The following ANKS1B variants were observed in gnomAD, a reference collection of about 807,000 sequenced individuals.
ANKS1B encodes the protein ankyrin repeat and sterile alpha motif domain containing 1B, also known as ankyrin repeat and sterile alpha motif domain-containing protein 1B.
In ANKS1B, 36 loss-of-function variants were observed where a neutral mutation model predicts 148.3. That is an observed-to-expected ratio of 0.24 (90% CI 0.19 to 0.32). The LOEUF (loss-of-function observed/expected upper bound fraction) is 0.32, where lower values mean the gene tolerates loss of function less well. Ranked by LOEUF, ANKS1B falls within the 10% of genes least tolerant of loss-of-function variation. The pLI, the probability that ANKS1B is intolerant of heterozygous loss-of-function variation, is 1.00. For missense variants in ANKS1B, 1,157 were observed against 1,542.6 expected (o/e 0.75, Z 4.19); for synonymous variants, 542 against 560.8 (o/e 0.97, Z 0.47).
At chr12:99,645,135 C>G (rs956298720) in intron 9 of ANKS1B, among the ~76,000 whole-genome samples, 2 of 152,182 alleles carry the variant, frequency 1.3e-5, no homozygotes, top group African/African-American at 4.8e-5. Flanking sequence ...TAAACCACAG[C>G]CATGTTCATT....
At chr12:99,562,132 A>G (rs73141659) in intron 9 of ANKS1B, among the ~76,000 whole-genome samples, 5,836 of 152,322 alleles carry the variant, frequency 0.038, 161 homozygotes, top group Non-Finnish European at 0.058. Flanking sequence ...ATACCTTGAA[A>G]TAAATCTTTT....
rs557956159 is a variant in ANKS1B, at chr12:99,192,802, T to C, written c.2420-38407A>G. The stretch of plus-strand genomic sequence containing the variant: ...GTAAAAAAATTCCAAATTATTCTAA[T>C]AGCTCTATTCTTAAAACCATTAAGA... On this transcript the variant is annotated intron_variant, in intron 14 of 26. Transcript: ENST00000683438. 3.9e-4 allele frequency among the ~76,000 whole-genome samples: 60 copies of C among 152,272 alleles called. 1 individual carries two copies. The highest frequency in any genetic ancestry group is 6.0e-4 in the Non-Finnish European group (41 of 67,994).
chr12:99,526,722 G>A (rs990367182), intron 9 of ANKS1B, among the ~76,000 whole-genome samples: 1 of 152,226 alleles, frequency 6.6e-6, no homozygotes, highest in East Asian at 1.9e-4. Context: ...CAACAACAAA[G>A]TTCTGAGAAA....
chr12:99,011,607 G>C (rs1281101478), intron 17 of ANKS1B, among the ~76,000 whole-genome samples: 1 of 152,140 alleles, frequency 6.6e-6, no homozygotes, highest in African/African-American at 2.4e-5. Flanking sequence ...GAACATGCTA[G>C]AAATTACAAC....
At chr12:99,499,044 A>G (rs577574644) in intron 10 of ANKS1B, among the ~76,000 whole-genome samples, 1 of 152,224 alleles carries the variant, frequency 6.6e-6, no homozygotes, top group East Asian at 1.9e-4. Flanking sequence ...AATGCAAACT[A>G]TTTCCTTACC....
intron 17 of ANKS1B, among the ~76,000 whole-genome samples, chr12:98,907,005 CTGTGTGTG>C (rs59857138): frequency 0.44 from 63,943 of 145,624 alleles, 15,242 homozygotes; most frequent in East Asian, 0.74. Context: ...CATAGTTACT[CTGTGTGTG>C]TGTGTGTGTG....
intron 10 of ANKS1B, among the ~76,000 whole-genome samples, chr12:99,464,028 T>C (rs943700215): frequency 1.6e-4 from 24 of 152,118 alleles, no homozygotes; most frequent in Non-Finnish European, 3.4e-4. Context: ...GCAGCCTAAT[T>C]GGGAGGCACC....
At chr12:98,799,878 C>CTA (rs34898942) in intron 21 of ANKS1B, among the ~76,000 whole-genome samples, 11,365 of 151,468 alleles carry the variant, frequency 0.075, 588 homozygotes, top group Non-Finnish European at 0.11. Context: ...CCAAAGAGCT[C>CTA]TATATATGTT....
intron 9 of ANKS1B, among the ~76,000 whole-genome samples, chr12:99,654,758 A>C (rs1429664543): frequency 6.6e-6 from 1 of 152,148 alleles, no homozygotes; most frequent in Non-Finnish European, 1.5e-5. Flanking sequence ...CTTTTTAAAA[A>C]TAGCATTCTT....
At chr12:99,649,209 T>C (rs1167607412) in intron 9 of ANKS1B, 4 of 1,106,170 alleles carry the variant, frequency 3.6e-6, no homozygotes, top group Non-Finnish European at 5.5e-6. Context: ...TGCAATAATT[T>C]CTTTTTGTTG....
At chr12:98,778,278 C>A (rs917965247) in intron 24 of ANKS1B, among the ~76,000 whole-genome samples, 5 of 152,036 alleles carry the variant, frequency 3.3e-5, no homozygotes, top group African/African-American at 1.2e-4. Flanking sequence ...GAGTTCGAGA[C>A]CAGCCTGGCC....
intron 10 of ANKS1B, among the ~76,000 whole-genome samples, chr12:99,449,552 C>T (rs531442316): frequency 1.3e-5 from 2 of 152,146 alleles, no homozygotes; most frequent in Non-Finnish European, 2.9e-5. Flanking sequence ...CTATCATTTA[C>T]GTGTGCAGAT....
intron 9 of ANKS1B, among the ~76,000 whole-genome samples, chr12:99,574,165 G>T (rs567389065): frequency 5.9e-5 from 9 of 152,196 alleles, no homozygotes; most frequent in Middle Eastern, 3.4e-3. Flanking sequence ...GGTACATAAA[G>T]AATCCAATGA....
intron 12 of ANKS1B, among the ~76,000 whole-genome samples, chr12:99,280,025 A>T (rs2078189893): frequency 6.6e-6 from 1 of 151,978 alleles, no homozygotes; most frequent in South Asian, 2.1e-4. Context: ...AAATAAAATA[A>T]ATAATAATTA....
intron 17 of ANKS1B, among the ~76,000 whole-genome samples, chr12:98,967,034 A>G (rs913428975): frequency 6.6e-6 from 1 of 152,160 alleles, no homozygotes; most frequent in Non-Finnish European, 1.5e-5. Context: ...AACTTAAAGT[A>G]TAAGAATAAA....
chr12:99,196,586 G>GTT (rs147640434), intron 14 of ANKS1B, among the ~76,000 whole-genome samples: 143 of 147,984 alleles, frequency 9.7e-4, no homozygotes, highest in Admixed American at 3.8e-3. Flanking sequence ...GATGCTTTCT[G>GTT]TTTTTTTTTG....
chr12:98,848,161 A>C lies in ANKS1B; in HGVS notation c.2779-16025T>G, dbSNP rs530663260. ...CTCTAATGAAAACCAAGCAACAAAC[A>C]ATGACTTAGTATTTGTTAGAAAACA... On this transcript the variant is annotated intron_variant, in intron 17 of 26. Transcript: ENST00000683438. 1.0e-3 allele frequency among the ~76,000 whole-genome samples: 159 copies of C among 152,338 alleles called. 1 individual carries two copies. The highest frequency in any genetic ancestry group is 3.6e-3 in the African/African-American group (148 of 41,566).
intron 7 of ANKS1B, 83 bp downstream of exon 7, chr12:99,775,465 A>C: frequency 1.2e-6 from 1 of 841,226 alleles, no homozygotes; most frequent in Non-Finnish European, 2.0e-6. Context: ...AGAGTATAGG[A>C]TATAACCTAT....
intron 26 of ANKS1B, among the ~76,000 whole-genome samples, chr12:98,747,263 T>TCAGTTA (rs2097915932): frequency 6.6e-6 from 1 of 151,916 alleles, no homozygotes; most frequent in South Asian, 2.1e-4. Flanking sequence ...CAAAACCAAC[T>TCAGTTA]CAATCTGATT....
Sources: allele counts gnomAD v4.1 joint callset (sites outside exome capture counted in the v4.1 genomes callset), GRCh38; gene constraint gnomAD v4.1.1; transcripts MANE v1.5; gene names NCBI Gene and HGNC (gene_info 2026-07-23, HGNC 2026-07-21).